The following PRELID2 variants were observed in gnomAD, a reference collection of about 807,000 sequenced individuals.
PRELID2 encodes the protein PRELI domain-containing protein 2.
Under a neutral mutation model 28.4 loss-of-function variants are expected in PRELID2, and 25 were observed. That is an observed-to-expected ratio of 0.88 (90% CI 0.64 to 1.23). The LOEUF (loss-of-function observed/expected upper bound fraction) is 1.23, where lower values mean the gene tolerates loss of function less well. PRELID2 is among the 50% of genes most tolerant of loss of function. The pLI, the probability that PRELID2 is intolerant of heterozygous loss-of-function variation, is 0.00. For missense variants in PRELID2, 201 were observed against 214.4 expected (o/e 0.94, Z 0.39); for synonymous variants, 76 against 71.6 (o/e 1.06, Z -0.31).
chr5:145,661,083 C>T (rs1399401317), intron 1 of PRELID2, among the ~76,000 whole-genome samples: 1 of 152,162 alleles, frequency 6.6e-6, no homozygotes, highest in Non-Finnish European at 1.5e-5. Flanking sequence ...ATAGCAGGTG[C>T]TAGCCTCAAT....
At chr5:145,257,650 A>T in the PRELID2 span, among the ~76,000 whole-genome samples, 2 of 152,196 alleles carry the variant, frequency 1.3e-5, no homozygotes, top group Non-Finnish European at 2.9e-5. Flanking sequence ...AACTGGTATA[A>T]CATGCAAATA....
At chr5:145,612,683 TC>T (rs1177021691) in intron 1 of PRELID2, among the ~76,000 whole-genome samples, 1 of 152,196 alleles carries the variant, frequency 6.6e-6, no homozygotes. Context: ...ATAGCTTAGC[TC>T]CCACATATCA....
chr5:145,743,633 C>T (rs966962126), intron 1 of PRELID2, among the ~76,000 whole-genome samples: 6 of 151,900 alleles, frequency 3.9e-5, no homozygotes, highest in African/African-American at 1.2e-4. Flanking sequence ...AGTGAGTGAG[C>T]GTGCTACCCA....
chr5:145,711,511 C>A (rs750935539), intron 1 of PRELID2, among the ~76,000 whole-genome samples: 32 of 152,226 alleles, frequency 2.1e-4, no homozygotes, highest in Middle Eastern at 3.4e-3. Context: ...CTCAGTATCT[C>A]CAGGAGCCCC....
the PRELID2 span, among the ~76,000 whole-genome samples, chr5:145,423,904 A>T: frequency 6.8e-6 from 1 of 147,836 alleles, no homozygotes; most frequent in Admixed American, 6.8e-5. Context: ...TGATGTACAG[A>T]TGGGTTTTTG....
chr5:145,567,725 T>C (rs1752980042), intron 1 of PRELID2, among the ~76,000 whole-genome samples: 1 of 151,916 alleles, frequency 6.6e-6, no homozygotes, highest in South Asian at 2.1e-4. Flanking sequence ...GGCACTTCTC[T>C]TTCCTGCTGC....
the PRELID2 span, among the ~76,000 whole-genome samples, chr5:145,429,646 C>T: frequency 6.6e-6 from 1 of 152,112 alleles, no homozygotes; most frequent in Admixed American, 6.5e-5. Context: ...AGCTAATATC[C>T]AGGGAACCTA....
intron 1 of PRELID2, among the ~76,000 whole-genome samples, chr5:145,565,861 T>A (rs1042214132): frequency 2.0e-5 from 3 of 152,218 alleles, no homozygotes; most frequent in Admixed American, 6.5e-5. Flanking sequence ...TTTCATTGGC[T>A]CATGTGAGGC....
At chr5:145,520,407 C>T (rs897914790) in intron 1 of PRELID2, among the ~76,000 whole-genome samples, 9 of 152,162 alleles carry the variant, frequency 5.9e-5, no homozygotes, top group Non-Finnish European at 8.8e-5. Flanking sequence ...TCAAAGTATC[C>T]GTCAGGTCTC....
At chr5:145,291,189 T>G in the PRELID2 span, among the ~76,000 whole-genome samples, 1 of 123,216 alleles carries the variant, frequency 8.1e-6, no homozygotes, top group African/African-American at 3.7e-5. Context: ...AATACAAAAG[T>G]TTGCCAGGCC....
chr5:145,254,509 G>A, the PRELID2 span, among the ~76,000 whole-genome samples: 12,558 of 152,130 alleles, frequency 0.083, 1,121 homozygotes, highest in African/African-American at 0.23. Context: ...GAGCAATGAA[G>A]AGAAAGTGGT....
the PRELID2 span, among the ~76,000 whole-genome samples, chr5:145,271,869 C>T: frequency 1.3e-5 from 2 of 152,280 alleles, no homozygotes; most frequent in South Asian, 4.1e-4. Flanking sequence ...TTCACCAATT[C>T]TGTGAGTTAT....
intron 1 of PRELID2, among the ~76,000 whole-genome samples, chr5:145,583,689 G>A (rs528786406): frequency 7.9e-5 from 12 of 151,912 alleles, no homozygotes; most frequent in South Asian, 4.1e-4. Context: ...TCCCATTCAC[G>A]ATTGCTACAA....
intron 1 of PRELID2, among the ~76,000 whole-genome samples, chr5:145,742,865 C>T (rs1261668315): frequency 6.6e-6 from 1 of 151,732 alleles, no homozygotes; most frequent in African/African-American, 2.4e-5. Flanking sequence ...AGAACAAAGA[C>T]AGAAGATACA....
chr5:145,316,524 A>G, the PRELID2 span, among the ~76,000 whole-genome samples: 2 of 152,212 alleles, frequency 1.3e-5, no homozygotes, highest in Non-Finnish European at 2.9e-5. Context: ...GCCCAATGTG[A>G]AAGAGAATAG....
At chr5:145,723,264 C>T (rs940040650) in intron 1 of PRELID2, among the ~76,000 whole-genome samples, 4 of 152,080 alleles carry the variant, frequency 2.6e-5, no homozygotes, top group African/African-American at 7.2e-5. Context: ...AAAGTAAGCA[C>T]ACAAACACAC....
At chr5:145,421,870 A>G in the PRELID2 span, among the ~76,000 whole-genome samples, 1 of 149,328 alleles carries the variant, frequency 6.7e-6, no homozygotes, top group African/African-American at 2.5e-5. Context: ...GTGGGCATTT[A>G]GTGCTATAAA....
the PRELID2 span, among the ~76,000 whole-genome samples, chr5:145,408,005 G>C: frequency 3.3e-5 from 5 of 151,998 alleles, no homozygotes; most frequent in African/African-American, 1.2e-4. Context: ...CACCAGCCCA[G>C]AGCCCAGTAG....
chr5:145,541,248 C>A (rs942842225), intron 1 of PRELID2, among the ~76,000 whole-genome samples: 1 of 152,016 alleles, frequency 6.6e-6, no homozygotes, highest in Non-Finnish European at 1.5e-5. Flanking sequence ...GTGTATGTTG[C>A]TATAAGATTA....
Sources: allele counts gnomAD v4.1 joint callset (sites outside exome capture counted in the v4.1 genomes callset), GRCh38; gene constraint gnomAD v4.1.1; transcripts MANE v1.5; gene names NCBI Gene and HGNC (gene_info 2026-07-23, HGNC 2026-07-21).